COMMD1: variants seen among roughly 807,000 people sequenced by gnomAD.
COMMD1 encodes the protein COMM domain-containing protein 1.
Under a neutral mutation model 17.2 loss-of-function variants are expected in COMMD1, and 10 were observed. The ratio of observed to expected loss-of-function variants is 0.58; its 90% CI spans 0.36 to 0.99. COMMD1 has a LOEUF of 0.99. Among genes scored for constraint, COMMD1 ranks in the 50% least tolerant of loss-of-function variants. COMMD1 has a pLI of 0.01. For synonymous variants in COMMD1, 97 were observed against 91.6 expected, an observed-to-expected ratio of 1.06 and a Z score of -0.34; for missense variants, 270 against 231.8, an observed-to-expected ratio of 1.17 and a Z score of -1.07.
intron 2 of COMMD1, among the ~76,000 whole-genome samples, chr2:62,102,567 CA>C (rs1672215902): frequency 1.3e-5 from 2 of 152,128 alleles, no homozygotes; most frequent in Admixed American, 1.3e-4. Context: ...GCTTCAAAAG[CA>C]GAAGTTTTTC....
chr2:61,928,127 A>T (rs1217946811), intron 1 of COMMD1, among the ~76,000 whole-genome samples: 1 of 152,022 alleles, frequency 6.6e-6, no homozygotes, highest in South Asian at 2.1e-4. Context: ...TTAACAAATT[A>T]TATAAAAAGT....
chr2:61,992,030 C>T (rs1672265562), intron 1 of COMMD1, among the ~76,000 whole-genome samples: 1 of 151,994 alleles, frequency 6.6e-6, no homozygotes, highest in African/African-American at 2.4e-5. Context: ...TATAAGAAAT[C>T]TAAACATGAT....
chr2:62,112,184 A>C (rs1334205980), intron 2 of COMMD1, among the ~76,000 whole-genome samples: 2 of 152,188 alleles, frequency 1.3e-5, no homozygotes, highest in Non-Finnish European at 2.9e-5. Context: ...GATTCCAAAT[A>C]TTTGAGTGCA....
chr2:62,110,091 C>T (rs185934229), intron 2 of COMMD1, among the ~76,000 whole-genome samples: 16 of 151,590 alleles, frequency 1.1e-4, no homozygotes, highest in East Asian at 7.8e-4. Flanking sequence ...CCTTTTCTGG[C>T]GGGGGTGGGA....
chr2:61,892,136 T>C (rs923044992), intron 1 of COMMD1, among the ~76,000 whole-genome samples: 2 of 151,950 alleles, frequency 1.3e-5, no homozygotes, highest in African/African-American at 4.8e-5. Flanking sequence ...CGGCCAGCTT[T>C]CCTATATTTA....
intron 1 of COMMD1, among the ~76,000 whole-genome samples, chr2:61,944,152 C>G (rs771061327): frequency 6.6e-6 from 1 of 152,012 alleles, no homozygotes. Flanking sequence ...TGAGAAGACT[C>G]TTTAGAATGC....
intron 2 of COMMD1, among the ~76,000 whole-genome samples, chr2:62,064,407 C>G (rs1406446231): frequency 6.6e-6 from 1 of 152,126 alleles, no homozygotes. Context: ...TGCCTGACCT[C>G]GAGGGATCCA....
chr2:62,052,828 A>G (rs939726588), intron 2 of COMMD1, among the ~76,000 whole-genome samples: 2 of 152,156 alleles, frequency 1.3e-5, no homozygotes, highest in East Asian at 3.9e-4. Flanking sequence ...TAATCCCATC[A>G]CTTTGGGAGG....
chr2:62,050,631 C>G (rs1670509851), intron 2 of COMMD1, among the ~76,000 whole-genome samples: 2 of 152,112 alleles, frequency 1.3e-5, no homozygotes, highest in South Asian at 4.1e-4. Context: ...AAGAGGCTTG[C>G]TGAGAGAGAT....
chr2:62,079,847 C>G (rs904894163), intron 2 of COMMD1: 3 of 152,076 alleles, frequency 2.0e-5, no homozygotes, highest in Non-Finnish European at 4.4e-5. Flanking sequence ...ATGGATTGAA[C>G]TGGAAATTCA....
chr2:61,908,162 A>G (rs1034789384), intron 1 of COMMD1, among the ~76,000 whole-genome samples: 27 of 150,834 alleles, frequency 1.8e-4, no homozygotes, highest in Admixed American at 1.7e-3. Flanking sequence ...TATGCCTTTG[A>G]TTGTTTTACA....
At chr2:62,104,650 A>C (rs1356141632) in intron 2 of COMMD1, among the ~76,000 whole-genome samples, 9 of 151,524 alleles carry the variant, frequency 5.9e-5, no homozygotes, top group Admixed American at 3.3e-4. Context: ...AAAAAAAAAA[A>C]AAAACAATAA....
intron 2 of COMMD1, among the ~76,000 whole-genome samples, chr2:62,036,446 T>G (rs1004798332): frequency 4.6e-5 from 7 of 152,232 alleles, no homozygotes; most frequent in African/African-American, 1.4e-4. Flanking sequence ...ACATTCCAGT[T>G]TGCTGTTCTT....
chr2:62,002,029 G>T (rs1333996917), intron 2 of COMMD1, among the ~76,000 whole-genome samples: 1 of 152,048 alleles, frequency 6.6e-6, no homozygotes, highest in Admixed American at 6.6e-5. Flanking sequence ...AATTAGCTGG[G>T]CATGGTGGCA....
At chr2:61,921,657 A>G (rs1670200625) in intron 1 of COMMD1, among the ~76,000 whole-genome samples, 1 of 152,020 alleles carries the variant, frequency 6.6e-6, no homozygotes, top group South Asian at 2.1e-4. Context: ...GTTAGCCAGG[A>G]TGGTCTCGAC....
intron 1 of COMMD1, among the ~76,000 whole-genome samples, chr2:61,977,138 A>G (rs371624480): frequency 6.6e-6 from 1 of 150,456 alleles, no homozygotes; most frequent in Non-Finnish European, 1.5e-5. Context: ...TGGGATATTA[A>G]TGGTGGGGTA....
chr2:61,897,152 A>T (rs1230400681), intron 1 of COMMD1, among the ~76,000 whole-genome samples: 1 of 152,110 alleles, frequency 6.6e-6, no homozygotes, highest in Non-Finnish European at 1.5e-5. Flanking sequence ...TAACACCAGA[A>T]ATAGGGAATC....
intron 1 of COMMD1, among the ~76,000 whole-genome samples, chr2:61,923,352 G>A (rs1424261882): frequency 6.6e-6 from 1 of 152,036 alleles, no homozygotes; most frequent in Non-Finnish European, 1.5e-5. Flanking sequence ...TATGTGCAAA[G>A]TATTGTGCTA....
chr2:61,932,092 T>C (rs1446038591), intron 1 of COMMD1, among the ~76,000 whole-genome samples: 2 of 152,226 alleles, frequency 1.3e-5, no homozygotes, highest in African/African-American at 2.4e-5. Context: ...TCTGCTGTCC[T>C]CAATTGACAC....
Sources: allele counts gnomAD v4.1 joint callset (sites outside exome capture counted in the v4.1 genomes callset), GRCh38; gene constraint gnomAD v4.1.1; transcripts MANE v1.5; gene names NCBI Gene and HGNC (gene_info 2026-07-23, HGNC 2026-07-21).